GRIN2A: variants seen among roughly 807,000 people sequenced by gnomAD.
GRIN2A encodes glutamate ionotropic receptor NMDA type subunit 2A, also known as glutamate receptor ionotropic, NMDA 2A.
GRIN2A carries 22 observed loss-of-function variants against 113.4 expected under a neutral mutation model. That is an observed-to-expected ratio of 0.19 (90% CI 0.14 to 0.28). GRIN2A has a LOEUF of 0.28. Ranked by LOEUF, GRIN2A falls within the 10% of genes least tolerant of loss-of-function variation. GRIN2A has a pLI of 1.00. For missense variants in GRIN2A, 1,502 were observed against 1,887.0 expected (o/e 0.80, Z 3.78); for synonymous variants, 827 against 738.4 (o/e 1.12, Z -1.94).
At chr16:9,968,107 A>G (rs1402746658) in intron 2 of GRIN2A, among the ~76,000 whole-genome samples, 3 of 152,104 alleles carry the variant, frequency 2.0e-5, no homozygotes, top group Admixed American at 6.6e-5. Flanking sequence ...CCCATTTTGC[A>G]GGAAAAAAGG....
chr16:9,997,367 G>A (rs575257517), intron 2 of GRIN2A, among the ~76,000 whole-genome samples: 13 of 152,100 alleles, frequency 8.5e-5, no homozygotes, highest in Non-Finnish European at 1.5e-4. Flanking sequence ...TTCTATCCCG[G>A]GGGATCTCTT....
At chr16:10,054,621 A>T (rs1265244638) in intron 2 of GRIN2A, among the ~76,000 whole-genome samples, 2 of 152,250 alleles carry the variant, frequency 1.3e-5, no homozygotes, top group African/African-American at 4.8e-5. Flanking sequence ...AGTGCCCATC[A>T]TTCAGTTCAT....
chr16:9,912,931 T>A (rs1461176695), intron 3 of GRIN2A, among the ~76,000 whole-genome samples: 1 of 152,320 alleles, frequency 6.6e-6, no homozygotes, highest in South Asian at 2.1e-4. Flanking sequence ...AGTCTCCACA[T>A]AGAAGAGTTT....
rs571509436 is a variant in GRIN2A at position 9,884,927 on chromosome 16, C to T, written c.1122+6059G>A. On this transcript the variant is annotated intron_variant, in intron 4 of 12. Transcript: ENST00000330684. ...TTTTTTTTTGTATTTTTAGTAGAGA[C>T]GGGGTTTCATCATGTTAGCCAGGAT... is the stretch of plus-strand genomic sequence containing the variant. Among the ~76,000 whole-genome samples, 7 of 151,172 alleles carry T rather than the reference C, an allele frequency of 4.6e-5. No homozygotes were observed. In the South Asian group the frequency reaches 6.3e-4, roughly 14 times the overall value.
chr16:9,979,506 C>A (rs1264640129), intron 2 of GRIN2A, among the ~76,000 whole-genome samples: 1 of 152,130 alleles, frequency 6.6e-6, no homozygotes, highest in Admixed American at 6.5e-5. Flanking sequence ...GTCTCATGCT[C>A]TGAGAGGCCT....
intron 2 of GRIN2A, among the ~76,000 whole-genome samples, chr16:10,029,083 C>T (rs1193897697): frequency 6.6e-6 from 1 of 152,196 alleles, no homozygotes; most frequent in Admixed American, 6.5e-5. Context: ...CATTTCTCCC[C>T]AGAGCTGGAG....
chr16:10,041,035 T>A (rs2141959512), intron 2 of GRIN2A, among the ~76,000 whole-genome samples: 1 of 152,352 alleles, frequency 6.6e-6, no homozygotes, highest in African/African-American at 2.4e-5. Context: ...AGGCACCCCC[T>A]CACCTCCAAT....
At chr16:10,065,098 C>G (rs1322436746) in intron 2 of GRIN2A, among the ~76,000 whole-genome samples, 1 of 152,188 alleles carries the variant, frequency 6.6e-6, no homozygotes, top group Non-Finnish European at 1.5e-5. Context: ...CAGCATTCAA[C>G]ACAAACAGAA....
At chr16:10,181,037 C>T (rs1200583367) in intron 1 of GRIN2A, among the ~76,000 whole-genome samples, 1 of 152,182 alleles carries the variant, frequency 6.6e-6, no homozygotes, top group Admixed American at 6.5e-5. Context: ...ACTACAGACC[C>T]GGCTCCTCTC....
At chr16:9,935,261 C>T (rs1407882158) in intron 3 of GRIN2A, among the ~76,000 whole-genome samples, 1 of 152,088 alleles carries the variant, frequency 6.6e-6, no homozygotes, top group Non-Finnish European at 1.5e-5. Context: ...TCATTAGCCT[C>T]GTTTGTGTCT....
chr16:10,122,256 A>C (rs1227998280), intron 2 of GRIN2A, among the ~76,000 whole-genome samples: 2 of 152,206 alleles, frequency 1.3e-5, no homozygotes, highest in Non-Finnish European at 2.9e-5. Flanking sequence ...CTACAGGAGA[A>C]ACCTGGCACT....
rs367543132 is a variant in GRIN2A, at chr16:9,763,690, C to A, written c.3854G>T (p.Arg1285Met). ...ATCGTAGGAATGCTGACGGCTAATC[C>A]TTAGCTTGTTCTTTTGTAATTGAAG... The part of the protein sequence containing the change: ...NALQLQKNKL[R>M]ISRQHSYDNI... Residue 1285 changes from arginine to methionine, a missense_variant, in exon 13 of 13, where the codon AGG (arginine) becomes ATG (methionine). By Grantham distance (91) the Arg-to-Met change is moderately conservative (BLOSUM62 -1). Around this residue, in one of 7 missense-constraint regions of GRIN2A, gnomAD observed 832 missense variants for 789.7 expected, o/e 1.05. Coordinates refer to ENST00000330684, the MANE Select transcript of GRIN2A (RefSeq NM_001134407.3). 1.7e-5 allele frequency: 28 copies of A among 1,613,858 alleles called. No individual in the cohort carries two copies. The highest frequency in any genetic ancestry group is 5.0e-5 in the Admixed American group (3 of 59,982).
At chr16:9,834,671 T>C (rs1450461441) in intron 7 of GRIN2A, among the ~76,000 whole-genome samples, 1 of 152,218 alleles carries the variant, frequency 6.6e-6, no homozygotes, top group African/African-American at 2.4e-5. Context: ...CGTGAGCCAC[T>C]GCTCCTGGCC....
intron 2 of GRIN2A, among the ~76,000 whole-genome samples, chr16:10,042,549 C>T (rs1189764058): frequency 6.6e-6 from 1 of 152,118 alleles, no homozygotes; most frequent in Non-Finnish European, 1.5e-5. Context: ...GCAAGAATCC[C>T]CCAACTAAGT....
chr16:10,116,627 G>A (rs765419334), intron 2 of GRIN2A, among the ~76,000 whole-genome samples: 15 of 152,134 alleles, frequency 9.9e-5, no homozygotes, highest in South Asian at 4.1e-4. Context: ...AGTGTGGTGA[G>A]GAAGTAGAAA....
chr16:9,807,421 CAGAG>C (rs1392140146), intron 10 of GRIN2A, among the ~76,000 whole-genome samples: 2 of 123,758 alleles, frequency 1.6e-5, no homozygotes, highest in Non-Finnish European at 1.7e-5. Context: ...AAAGGAGAGA[CAGAG>C]AGAAAGAGAG....
intron 9 of GRIN2A, among the ~76,000 whole-genome samples, chr16:9,828,202 G>C (rs1204877457): frequency 2.6e-5 from 4 of 152,200 alleles, no homozygotes; most frequent in Non-Finnish European, 4.4e-5. Flanking sequence ...CAGGGATGGA[G>C]CAAGAGGAAG....
intron 2 of GRIN2A, among the ~76,000 whole-genome samples, chr16:10,156,804 T>G (rs1184210920): frequency 1.3e-5 from 2 of 152,202 alleles, no homozygotes; most frequent in Non-Finnish European, 2.9e-5. Context: ...ACACCTTATT[T>G]CATTCGATCC....
At chr16:9,888,041 A>G (rs768415271) in intron 4 of GRIN2A, among the ~76,000 whole-genome samples, 16 of 152,176 alleles carry the variant, frequency 1.1e-4, no homozygotes, top group East Asian at 3.9e-4. Flanking sequence ...CCCGGATTCA[A>G]GTGATTCTTG....
Sources: allele counts gnomAD v4.1 joint callset (sites outside exome capture counted in the v4.1 genomes callset), GRCh38; gene constraint gnomAD v4.1.1; regional missense constraint gnomAD v4.1.1; transcripts MANE v1.5; gene names NCBI Gene and HGNC (gene_info 2026-07-23, HGNC 2026-07-21).